The following ABHD12 variants were observed in gnomAD, a reference collection of about 807,000 sequenced individuals.
ABHD12 encodes abhydrolase domain containing 12, lysophospholipase.
A neutral mutation model predicts 58.3 loss-of-function variants in ABHD12; 43 were observed. That is an observed-to-expected ratio of 0.74 (90% CI 0.58 to 0.95). ABHD12 has a LOEUF of 0.95. ABHD12 is among the 40% of genes least tolerant of loss of function. The probability of loss-of-function intolerance (pLI) is 0.00; values close to 1 mark genes in which losing one functional copy is unlikely to be tolerated. For missense variants in ABHD12, 539 were observed against 537.2 expected (o/e 1.00, Z -0.03); for synonymous variants, 219 against 211.2 (o/e 1.04, Z -0.32).
At chr20:25,330,893 A>G (rs1382137819) in intron 2 of ABHD12, among the ~76,000 whole-genome samples, 2 of 152,378 alleles carry the variant, frequency 1.3e-5, no homozygotes, top group East Asian at 1.9e-4. Context: ...TGGAAACTCT[A>G]TAAAGCAGAG....
At position 25,300,500 on chromosome 20, in the gene ABHD12, A is replaced by G. The variant is rs971071048; in HGVS notation, c.*345T>C. Reference sequence around the variant, plus strand: ...AAAGCTCAGCATGGTCCCGAGCCCCAAGAGTCCCCTGCCCGGACTCCCCCT... The same window carrying G: ...AAAGCTCAGCATGGTCCCGAGCCCCGAGAGTCCCCTGCCCGGACTCCCCCT... On this transcript the variant is annotated 3_prime_UTR_variant, in exon 13 of 13. Coordinates refer to ENST00000339157, the MANE Select transcript of ABHD12 (RefSeq NM_001042472.3). 7.7e-7 allele frequency: 1 copy of G among 1,293,822 alleles called. No homozygotes were observed. The highest frequency in any genetic ancestry group is 1.6e-5 in the South Asian group (1 of 61,608). The allele number at this position is 1,293,822 out of a possible 1,614,324, so 80.1% of individuals were successfully genotyped here. A position where few individuals can be genotyped will look rare whatever the true frequency, so the allele number is the denominator to read the frequency against.
At position 25,316,114 on chromosome 20, in the gene ABHD12, C is replaced by T. The variant is rs557071845; in HGVS notation, c.573+934G>A. Among the ~76,000 whole-genome samples the T allele has an allele frequency of 5.3e-5, 8 of 152,268 alleles. 1 individual carries two copies. Among genetic ancestry groups the T allele is most frequent in the South Asian group, 4.1e-4 (2 of 4,824 alleles). On this transcript the variant is annotated intron_variant, in intron 5 of 12. Transcript: ENST00000339157. ...TGCAGCCCTTGCTGGGGTGAGCCTACGACCTGGCAGTCAGTGTAGCACCTG... is the reference window on the plus strand; with the variant it reads ...TGCAGCCCTTGCTGGGGTGAGCCTATGACCTGGCAGTCAGTGTAGCACCTG...
At chr20:25,388,321 G>C (rs1354302262) in intron 1 of ABHD12, among the ~76,000 whole-genome samples, 4 of 152,180 alleles carry the variant, frequency 2.6e-5, no homozygotes, top group Admixed American at 6.5e-5. Flanking sequence ...AGTATTTTCT[G>C]CTACCTACTA....
intron 2 of ABHD12, among the ~76,000 whole-genome samples, chr20:25,337,785 G>A (rs989036792): frequency 6.6e-6 from 1 of 152,150 alleles, no homozygotes; most frequent in Non-Finnish European, 1.5e-5. Context: ...GCTGTACTGT[G>A]TACATTTAAG....
chr20:25,326,849 C>G (rs2089184916), intron 2 of ABHD12, among the ~76,000 whole-genome samples: 1 of 152,182 alleles, frequency 6.6e-6, no homozygotes, highest in African/African-American at 2.4e-5. Flanking sequence ...TACAAGTCAC[C>G]AAACTAATGC....
chr20:25,366,281 CT>C (rs916697130), intron 1 of ABHD12, among the ~76,000 whole-genome samples: 29 of 143,714 alleles, frequency 2.0e-4, no homozygotes, highest in Admixed American at 2.8e-4. Context: ...CTTTTCTTTT[CT>C]TTTTTTTTTT....
At position 25,322,379 on chromosome 20, in the gene ABHD12, A is replaced by ATTTTT. The variant is rs1290185808; in HGVS notation, c.422+945_422+946insAAAAA. Among the ~76,000 whole-genome samples, 12 of 53,692 alleles carry ATTTTT rather than the reference A, an allele frequency of 2.2e-4. No individual in the cohort carries two copies. The East Asian group carries it at 2.4e-3, about 11-fold the overall frequency. The allele number at this position is 53,692 out of a possible 152,430, so 35.2% of individuals were successfully genotyped here. A position where few individuals can be genotyped will look rare whatever the true frequency, so the allele number is the denominator to read the frequency against. On this transcript the variant is annotated intron_variant, in intron 3 of 12. Coordinates refer to ENST00000339157, the MANE Select transcript of ABHD12 (RefSeq NM_001042472.3). ...TTGGAAAAGATATATATATATATATATATTTTTTTTTTTTTTTGAGACAAG... is the reference window on the plus strand; with the variant it reads ...TTGGAAAAGATATATATATATATATATTTTTTATTTTTTTTTTTTTTTGAGACAAG...
chr20:25,350,376 A>G (rs768061035), intron 1 of ABHD12, among the ~76,000 whole-genome samples: 2 of 152,226 alleles, frequency 1.3e-5, no homozygotes, highest in African/African-American at 2.4e-5. Flanking sequence ...CCATGTGTCA[A>G]AAGTGGGGCC....
At chr20:25,348,941 G>A (rs913252745) in intron 1 of ABHD12, among the ~76,000 whole-genome samples, 16 of 152,030 alleles carry the variant, frequency 1.1e-4, no homozygotes, top group Non-Finnish European at 1.2e-4. Context: ...AAAATTAGCC[G>A]GGCATGGTGG....
downstream of ABHD12, chr20:25,296,405 C>T (rs1402806441): frequency 3.7e-6 from 6 of 1,613,984 alleles, no homozygotes; most frequent in South Asian, 2.2e-5. Flanking sequence ...TCATCAGGAA[C>T]ATCGCCTGCT....
At chr20:25,310,945 G>A (rs1211074559) in intron 6 of ABHD12, among the ~76,000 whole-genome samples, 1 of 152,194 alleles carries the variant, frequency 6.6e-6, no homozygotes, top group African/African-American at 2.4e-5. Context: ...TGAATGGGAA[G>A]AAGCCACTCA....
chr20:25,331,752 T>G (rs531754899), intron 2 of ABHD12, among the ~76,000 whole-genome samples: 2 of 151,990 alleles, frequency 1.3e-5, no homozygotes, highest in African/African-American at 2.4e-5. Flanking sequence ...GACAAGCAAA[T>G]GCTGAGAGAT....
rs2088623125 is a variant in ABHD12, at chr20:25,300,863, C to G, written c.1179G>C (p.Glu393Asp). The G allele has an allele frequency of 6.2e-7, 1 of 1,613,960 alleles. No homozygotes were observed. The highest frequency in any genetic ancestry group is 8.5e-7 in the Non-Finnish European group (1 of 1,179,994). The part of the protein sequence containing the change: ...RILREFLGKS[E>D]PEHQH ...GCCAGGCTCAGTGCTGGTGCTCAGGCTCCGACTTCCCCAGGAATTCCCTAG... is the reference window on the plus strand; with the variant it reads ...GCCAGGCTCAGTGCTGGTGCTCAGGGTCCGACTTCCCCAGGAATTCCCTAG... The change falls in exon 13 of 13, where the codon GAG becomes GAC. Residue 393 changes from glutamate (E) to aspartate (D), a missense_variant. Physicochemically the swap from Glu to Asp is conservative, Grantham distance 45. Transcript: ENST00000339157.
intron 1 of ABHD12, among the ~76,000 whole-genome samples, chr20:25,374,818 T>C (rs1360603639): frequency 6.6e-6 from 1 of 152,162 alleles, no homozygotes; most frequent in Non-Finnish European, 1.5e-5. Context: ...TTTAATGTGC[T>C]TCTCTTCAAC....
At chr20:25,323,246 A>T (rs117369037) in intron 3 of ABHD12, 79 bp downstream of exon 3, 2 of 873,516 alleles carry the variant, frequency 2.3e-6, no homozygotes, top group Non-Finnish European at 4.0e-6. Context: ...TCAGAGGCCA[A>T]TGTCAAAGAC....
rs1437194391 is a variant in ABHD12, at chr20:25,304,327, C to G, written c.951-699G>C. On this transcript the variant is annotated intron_variant, in intron 10 of 12. Transcript: ENST00000339157. ...ACTCTTGCTTCCCAGTAAGGCTTGT[C>G]TGATGTGCGAGTCCCTCTCACCAGA... Among the ~76,000 whole-genome samples the G allele has an allele frequency of 3.3e-5, 5 of 152,256 alleles. No homozygotes were observed. In the East Asian group the frequency reaches 9.6e-4, roughly 29 times the overall value.
At chr20:25,362,040 C>A (rs555299807) in intron 1 of ABHD12, among the ~76,000 whole-genome samples, 1 of 151,112 alleles carries the variant, frequency 6.6e-6, no homozygotes, top group Non-Finnish European at 1.5e-5. Flanking sequence ...GTTTGGAGAT[C>A]GAGGCGGGTG....
At chr20:25,346,466 T>C (rs2089519925) in intron 1 of ABHD12, among the ~76,000 whole-genome samples, 1 of 152,074 alleles carries the variant, frequency 6.6e-6, no homozygotes, top group Admixed American at 6.5e-5. Context: ...ATGCAAACTA[T>C]GGATTTGGGG....
intron 1 of ABHD12, among the ~76,000 whole-genome samples, chr20:25,378,965 T>G (rs1320042231): frequency 6.6e-6 from 1 of 152,110 alleles, no homozygotes; most frequent in Non-Finnish European, 1.5e-5. Context: ...AACTACCATA[T>G]GAAGATTAAT....
Sources: gnomAD v4.1 joint callset for allele counts (sites outside exome capture counted in the v4.1 genomes callset) on GRCh38, gnomAD v4.1.1 for gene constraint, MANE v1.5 for transcripts, NCBI Gene and HGNC (gene_info 2026-07-23, HGNC 2026-07-21) for gene names.